ACSM2B: variants seen among roughly 807,000 people sequenced by gnomAD.
The protein encoded by ACSM2B is acyl-CoA synthetase medium chain family member 2B.
In ACSM2B, 58 loss-of-function variants were observed where a neutral mutation model predicts 78.6. That is an observed-to-expected ratio of 0.74 (90% CI 0.60 to 0.92). The LOEUF is 0.92. Among genes scored for constraint, ACSM2B ranks in the 40% least tolerant of loss-of-function variants. ACSM2B has a pLI of 0.00. For synonymous variants in ACSM2B, 257 were observed against 256.8 expected (o/e 1.00, Z -0.01); for missense variants, 688 against 711.2 (o/e 0.97, Z 0.37).
At position 20,566,650 on chromosome 16, in the gene ACSM2B, C is replaced by T. The variant is rs58666278; in HGVS notation, c.-8-1797G>A. ...CTATATATAGTATATATATACTATA[C>T]TATATATATGTATATATAGTATATA... On this transcript the variant is annotated intron_variant, in intron 1 of 13. Transcript: ENST00000329697. Among the ~76,000 whole-genome samples the T allele has an allele frequency of 1.4e-4, 5 of 36,064 alleles. 1 individual carries two copies. The highest frequency in any genetic ancestry group is 2.5e-4 in the African/African-American group (1 of 3,992). The allele number at this position is 36,064 out of a possible 152,430, so 23.7% of individuals were successfully genotyped here.
At position 20,560,372 on chromosome 16, in the gene ACSM2B, C is replaced by A. The variant is rs532774850; in HGVS notation, c.178-925G>T. Among the ~76,000 whole-genome samples the A allele has an allele frequency of 1.1e-4, 16 of 151,950 alleles. 1 individual carries two copies. In the South Asian group the frequency reaches 1.5e-3, roughly 14 times the overall value. On this transcript the variant is annotated intron_variant, in intron 2 of 13. Coordinates refer to ENST00000329697, the MANE Select transcript of ACSM2B (RefSeq NM_001105069.2). ...CCCTCATGAATGGCTTAGCACCATCCCCTTGGTGATAAATGAGATCATAAG... is the reference window on the plus strand; with the variant it reads ...CCCTCATGAATGGCTTAGCACCATCACCTTGGTGATAAATGAGATCATAAG...
intron 13 of ACSM2B, among the ~76,000 whole-genome samples, chr16:20,539,938 T>A (rs2014939662): frequency 6.6e-6 from 1 of 152,208 alleles, no homozygotes; most frequent in Non-Finnish European, 1.5e-5. Context: ...CTAGCCATAA[T>A]GAAAGCTTTC....
At chr16:20,561,653 G>T (rs1248873420) in intron 2 of ACSM2B, among the ~76,000 whole-genome samples, 1 of 151,782 alleles carries the variant, frequency 6.6e-6, no homozygotes, top group African/African-American at 2.4e-5. Context: ...CAATTCTCAT[G>T]TCCTTCTCAC....
At chr16:20,562,346 G>A (rs1386559674) in intron 2 of ACSM2B, among the ~76,000 whole-genome samples, 1 of 152,158 alleles carries the variant, frequency 6.6e-6, no homozygotes, top group East Asian at 1.9e-4. Context: ...TAGTTTGAGA[G>A]TAATGATGCA....
chr16:20,555,520 T>C (rs1405529293), intron 3 of ACSM2B, 44 bp from the exon 4 acceptor site: 1 of 1,609,848 alleles, frequency 6.2e-7, no homozygotes. Flanking sequence ...GATGGTTTTC[T>C]TTGTCCCTAG....
At chr16:20,568,629 C>T (rs2016004106) in intron 1 of ACSM2B, among the ~76,000 whole-genome samples, 1 of 151,412 alleles carries the variant, frequency 6.6e-6, no homozygotes. Flanking sequence ...ACTTTTCGTT[C>T]TTTGATGAAT....
intron 1 of ACSM2B, among the ~76,000 whole-genome samples, chr16:20,575,975 T>C (rs2016238692): frequency 6.6e-6 from 1 of 151,006 alleles, no homozygotes; most frequent in Non-Finnish European, 1.5e-5. Context: ...CAGCCCCCTG[T>C]TACCACCTTT....
intron 2 of ACSM2B, 104 bp downstream of exon 2, chr16:20,564,565 G>A: frequency 6.8e-7 from 1 of 1,479,086 alleles, no homozygotes; most frequent in Non-Finnish European, 9.0e-7. Flanking sequence ...TTATTACAGT[G>A]CCTTACATGT....
At chr16:20,540,607 C>T (rs765680036) in intron 13 of ACSM2B, 47 bp downstream of exon 13, 33 of 1,601,136 alleles carry the variant, frequency 2.1e-5, no homozygotes, top group Admixed American at 1.7e-5. Flanking sequence ...AACAGGAAAA[C>T]AATCTATTTC....
At chr16:20,547,926 C>A in intron 8 of ACSM2B, 136 bp downstream of exon 8, 3 of 1,524,744 alleles carry the variant, frequency 2.0e-6, no homozygotes, top group Admixed American at 2.1e-5. Context: ...TACTCAGTAC[C>A]TGTCCCTTCA....
intron 2 of ACSM2B, among the ~76,000 whole-genome samples, chr16:20,563,873 T>C (rs1323407980): frequency 4.6e-5 from 7 of 152,012 alleles, no homozygotes; most frequent in Middle Eastern, 3.2e-3. Flanking sequence ...GAAAGAGTCA[T>C]AGGACTTCAG....
At chr16:20,548,237 A>C in intron 7 of ACSM2B, 52 bp from the exon 8 acceptor site, 1 of 1,613,206 alleles carries the variant, frequency 6.2e-7, no homozygotes, top group Non-Finnish European at 8.5e-7. Flanking sequence ...ACCAAAGTCC[A>C]CTCAGGCCTA....
chr16:20,546,570 C>T (rs2015149000), intron 8 of ACSM2B, 96 bp from the exon 9 acceptor site: 1 of 1,483,416 alleles, frequency 6.7e-7, no homozygotes, highest in Admixed American at 2.2e-5. Context: ...TGACACTGTC[C>T]TGAACTTGGC....
At chr16:20,575,235 T>A (rs1443962268) in intron 1 of ACSM2B, among the ~76,000 whole-genome samples, 1 of 151,638 alleles carries the variant, frequency 6.6e-6, no homozygotes, top group Non-Finnish European at 1.5e-5. Context: ...TCTGTATTAG[T>A]CAGGGTTCTC....
At chr16:20,558,352 T>A (rs543130690) in intron 3 of ACSM2B, among the ~76,000 whole-genome samples, 6 of 144,338 alleles carry the variant, frequency 4.2e-5, no homozygotes, top group African/African-American at 1.5e-4. Flanking sequence ...CCTAGCCCCC[T>A]GCATGCCAAA....
chr16:20,552,850 C>T (rs2015361133), intron 5 of ACSM2B, among the ~76,000 whole-genome samples: 1 of 152,134 alleles, frequency 6.6e-6, no homozygotes, highest in African/African-American at 2.4e-5. Flanking sequence ...TGAACAACTT[C>T]CTTGTGACGG....
intron 1 of ACSM2B, among the ~76,000 whole-genome samples, chr16:20,568,347 C>A (rs1236541420): frequency 3.5e-5 from 5 of 143,046 alleles, no homozygotes; most frequent in East Asian, 2.0e-4. Flanking sequence ...TATAATATAT[C>A]ATATATCATA....
In ACSM2B at chr16:20,543,229, C is replaced by T. The variant is rs143364212; in HGVS notation, c.1315G>A (p.Gly439Arg). The T allele has an allele frequency of 1.9e-4, 308 of 1,613,846 alleles. 1 individual carries two copies. The highest frequency in any genetic ancestry group is 1.6e-4 in the Non-Finnish European group (192 of 1,179,882). ...CGGTCTCCAAGGAGCCAAAAGTCTC[C>T]TCGAATGTTGGCTGCTGTCTTGTCG... ...NPDKTAANIR[G>R]DFWLLGDRGI... The change falls in exon 11 of 14, where the codon GGA (glycine) becomes AGA (arginine). Residue 439 changes from glycine to arginine, a missense_variant. Physicochemically the swap from Gly to Arg is moderately radical, Grantham distance 125. Transcript: ENST00000329697.
intron 1 of ACSM2B, among the ~76,000 whole-genome samples, chr16:20,566,538 T>A (rs1327464055): frequency 9.4e-6 from 1 of 106,466 alleles, no homozygotes; most frequent in African/African-American, 3.8e-5. Context: ...TTATATATAC[T>A]ATATAACTAT....
Sources: gnomAD v4.1 joint callset for allele counts (sites outside exome capture counted in the v4.1 genomes callset) on GRCh38, gnomAD v4.1.1 for gene constraint, MANE v1.5 for transcripts, NCBI Gene and HGNC (gene_info 2026-07-23, HGNC 2026-07-21) for gene names.